SLC37A1: variants seen among roughly 807,000 people sequenced by gnomAD.
SLC37A1 encodes the protein solute carrier family 37 member 1.
SLC37A1 carries 49 observed loss-of-function variants against 75.3 expected under a neutral mutation model. The observed-to-expected ratio is 0.65, with a 90% CI of 0.52 to 0.83. The LOEUF is 0.83. Among genes scored for constraint, SLC37A1 ranks in the 40% least tolerant of loss-of-function variants. SLC37A1 has a pLI of 0.00. For synonymous variants in SLC37A1, 268 were observed against 292.1 expected, an observed-to-expected ratio of 0.92 and a Z score of 0.84; for missense variants, 566 against 695.0, an observed-to-expected ratio of 0.81 and a Z score of 2.09.
At chr21:42,572,919 G>A (rs983168967) in intron 17 of SLC37A1, among the ~76,000 whole-genome samples, 8 of 152,168 alleles carry the variant, frequency 5.3e-5, no homozygotes, top group Admixed American at 4.6e-4. Flanking sequence ...CTGCATAGTG[G>A]TTTGAAGTCT....
chr21:42,513,792 C>A (rs1214662240), upstream of SLC37A1: 1 of 146,320 alleles, frequency 6.8e-6, no homozygotes, highest in African/African-American at 2.5e-5. Flanking sequence ...GCGGCTCCGC[C>A]GGCGCCCCGC....
intron 8 of SLC37A1, 102 bp downstream of exon 8, chr21:42,543,704 C>T (rs1373254958): frequency 1.6e-6 from 2 of 1,213,006 alleles, no homozygotes; most frequent in East Asian, 2.5e-5. Flanking sequence ...TGGCCTAGCG[C>T]CCTGTTTGCC....
chr21:42,554,796 C>G (rs751478037), intron 10 of SLC37A1, among the ~76,000 whole-genome samples: 32 of 152,154 alleles, frequency 2.1e-4, no homozygotes, highest in Non-Finnish European at 3.4e-4. Context: ...GTCTGGCCCA[C>G]CCCTAGCACC....
At chr21:42,566,609 G>A (rs536470334) in intron 15 of SLC37A1, among the ~76,000 whole-genome samples, 3 of 152,302 alleles carry the variant, frequency 2.0e-5, no homozygotes, top group African/African-American at 7.2e-5. Context: ...TCACCTGAGT[G>A]TGAGCCTAGA....
rs937062711 is a variant in SLC37A1 at position 42,552,838 on chromosome 21, G to A, written c.769-1224G>A. On this transcript the variant is annotated intron_variant, in intron 9 of 19. Transcript: ENST00000352133. This position sits in a 1 kb window ranked among gnomAD's most constrained non-coding sequence, Gnocchi z 4.2. ...GATGCTGGCAGCCTCTGCTCACTGC[G>A]GGGGACGGGGGGCCGAGTGCTGGGG... Among the ~76,000 whole-genome samples, 4 of 152,194 alleles carry A rather than the reference G, an allele frequency of 2.6e-5. No homozygotes were observed. The highest frequency in any genetic ancestry group is 9.7e-5 in the African/African-American group (4 of 41,444).
At chr21:42,519,271 G>A (rs907809294) in intron 2 of SLC37A1, among the ~76,000 whole-genome samples, 3 of 152,182 alleles carry the variant, frequency 2.0e-5, no homozygotes, top group Non-Finnish European at 4.4e-5. Flanking sequence ...TGCACCGTCC[G>A]TCCTTCACAG....
Position 42,545,532 on chromosome 21 carries a change from G to T in SLC37A1, c.731-1571G>T, listed in dbSNP as rs77362353. Among the ~76,000 whole-genome samples, 2,986 of 152,318 alleles carry T rather than the reference G, an allele frequency of 0.02. 100 individuals are homozygous for T. Among genetic ancestry groups the T allele is most frequent in the African/African-American group, 0.069 (2,876 of 41,548 alleles). On this transcript the variant is annotated intron_variant, in intron 8 of 19. Coordinates refer to ENST00000352133, the MANE Select transcript of SLC37A1 (RefSeq NM_001320537.2). This position sits in a 1 kb window ranked among gnomAD's most constrained non-coding sequence, Gnocchi z 4.0. ...CCTTCACTCTTGTCTCCTGCCCAGG[G>T]TGAGCCCCAAAGGACAGGGCGTCCC...
intron 2 of SLC37A1, among the ~76,000 whole-genome samples, chr21:42,520,353 T>C (rs1287894041): frequency 6.6e-6 from 1 of 152,214 alleles, no homozygotes; most frequent in Non-Finnish European, 1.5e-5. Context: ...TTTTTTTCCT[T>C]CTTCTTCTGA....
intron 12 of SLC37A1, 144 bp from the exon 13 acceptor site, chr21:42,563,671 C>A (rs2055894287): frequency 1.5e-6 from 1 of 680,896 alleles, no homozygotes; most frequent in South Asian, 1.8e-5. Flanking sequence ...TTTTTTAAAT[C>A]TGAGTTAACT....
intron 16 of SLC37A1, 85 bp downstream of exon 16, chr21:42,567,143 T>C: frequency 7.0e-7 from 1 of 1,425,046 alleles, no homozygotes; most frequent in Non-Finnish European, 9.7e-7. Context: ...TTACTGTTAG[T>C]AAAACTGCAT....
intron 5 of SLC37A1, among the ~76,000 whole-genome samples, chr21:42,538,598 C>T (rs1328859531): frequency 6.6e-6 from 1 of 152,166 alleles, no homozygotes; most frequent in East Asian, 1.9e-4. Context: ...GGCTCACGTC[C>T]ATCCGTGATA....
chr21:42,559,972 G>A (rs1245533850), intron 11 of SLC37A1, among the ~76,000 whole-genome samples: 3 of 152,060 alleles, frequency 2.0e-5, no homozygotes, highest in Non-Finnish European at 4.4e-5. Context: ...TGAGGGGGAG[G>A]ATGCAGGGAC....
At chr21:42,534,624 C>T (rs950191390) in intron 3 of SLC37A1, 74 bp from the exon 4 acceptor site, 2 of 1,527,600 alleles carry the variant, frequency 1.3e-6, no homozygotes, top group Admixed American at 3.7e-5. Flanking sequence ...GGTGACTGTT[C>T]CTCTCTGTGC....
chr21:42,538,112 C>T (rs1316430240), intron 5 of SLC37A1, among the ~76,000 whole-genome samples: 3 of 152,234 alleles, frequency 2.0e-5, no homozygotes, highest in Non-Finnish European at 1.5e-5. Context: ...TTAGAGAATA[C>T]TTCTAAGCCT....
intron 18 of SLC37A1, among the ~76,000 whole-genome samples, chr21:42,578,891 C>T (rs2056360751): frequency 1.3e-5 from 2 of 152,162 alleles, no homozygotes; most frequent in South Asian, 2.1e-4. Context: ...AGTAGCCCCT[C>T]GAGACCCTCC....
At chr21:42,566,795 C>T (rs577255912) in intron 15 of SLC37A1, among the ~76,000 whole-genome samples, 190 bp from the exon 16 acceptor site, 5 of 152,332 alleles carry the variant, frequency 3.3e-5, no homozygotes, top group East Asian at 3.9e-4. Context: ...TGCTGCCCTT[C>T]GAGGGTGGAT....
At chr21:42,542,545 C>A in intron 7 of SLC37A1, 65 bp downstream of exon 7, 1 of 1,503,402 alleles carries the variant, frequency 6.7e-7, no homozygotes, top group Non-Finnish European at 9.2e-7. Flanking sequence ...TTTAGTTTTT[C>A]TGTAGACTGA....
At chr21:42,549,343 C>T (rs1297513188) in intron 9 of SLC37A1, among the ~76,000 whole-genome samples, 1 of 152,178 alleles carries the variant, frequency 6.6e-6, no homozygotes, top group Non-Finnish European at 1.5e-5. Flanking sequence ...AGGCGAGAGG[C>T]ATTGCTTCTG....
intron 1 of SLC37A1, among the ~76,000 whole-genome samples, chr21:42,501,978 C>T (rs1368253403): frequency 6.6e-6 from 1 of 152,116 alleles, no homozygotes; most frequent in African/African-American, 2.4e-5. Flanking sequence ...ACCACGTGTC[C>T]ATGATTTTCC....
Sources: allele counts gnomAD v4.1 joint callset (sites outside exome capture counted in the v4.1 genomes callset), GRCh38; gene constraint gnomAD v4.1.1; non-coding constraint Gnocchi (gnomAD v3.1); transcripts MANE v1.5; gene names NCBI Gene and HGNC (gene_info 2026-07-23, HGNC 2026-07-21).